The following MARCHF4 variants were observed in gnomAD, a reference collection of about 807,000 sequenced individuals.
The protein encoded by MARCHF4 is membrane associated ring-CH-type finger 4, also known as E3 ubiquitin-protein ligase MARCHF4.
A neutral mutation model predicts 43.9 loss-of-function variants in MARCHF4; 14 were observed. The observed-to-expected ratio is 0.32, with a 90% CI of 0.21 to 0.50. MARCHF4 has a LOEUF of 0.50. MARCHF4 is among the 20% of genes least tolerant of loss of function. The probability of loss-of-function intolerance (pLI) is 0.98; values close to 1 mark genes in which losing one functional copy is unlikely to be tolerated. For synonymous variants in MARCHF4, 226 were observed against 213.3 expected, an observed-to-expected ratio of 1.06 and a Z score of -0.52; for missense variants, 468 against 536.7, an observed-to-expected ratio of 0.87 and a Z score of 1.27.
At chr2:216,361,873 G>A (rs914319395) in intron 1 of MARCHF4, among the ~76,000 whole-genome samples, 2 of 152,200 alleles carry the variant, frequency 1.3e-5, no homozygotes, top group Admixed American at 6.5e-5. Flanking sequence ...ACACTGGTGG[G>A]ATGGGGTAAA....
At chr2:216,306,545 G>A (rs78997423) in intron 1 of MARCHF4, among the ~76,000 whole-genome samples, 10,304 of 152,094 alleles carry the variant, frequency 0.068, 1,155 homozygotes, top group African/African-American at 0.24. Context: ...ATTTAACTGA[G>A]GGTGGTTTTG....
At chr2:216,367,804 A>G (rs1692689196) in intron 1 of MARCHF4, among the ~76,000 whole-genome samples, 1 of 152,192 alleles carries the variant, frequency 6.6e-6, no homozygotes, top group African/African-American at 2.4e-5. Context: ...AATATTGCCA[A>G]TGATTTTTTT....
In MARCHF4 at chr2:216,350,132, G is replaced by A. The variant is rs114167515; in HGVS notation, c.516+19613C>T. Among the ~76,000 whole-genome samples, 434 of 151,588 alleles carry A rather than the reference G, an allele frequency of 2.9e-3. 2 individuals are homozygous for A. The highest frequency in any genetic ancestry group is 0.01 in the African/African-American group (414 of 41,286). On this transcript the variant is annotated intron_variant, in intron 1 of 3. Transcript: ENST00000273067. ...ACCATGCTATGCCACACGATGCCAC[G>A]CCATGCCACACCACCACGACCATGC...
At chr2:216,358,823 T>A (rs1357484791) in intron 1 of MARCHF4, among the ~76,000 whole-genome samples, 1 of 152,188 alleles carries the variant, frequency 6.6e-6, no homozygotes, top group Non-Finnish European at 1.5e-5. Flanking sequence ...GCCAGGCATT[T>A]GTAGGCAAAA....
At chr2:216,329,256 C>T (rs148633497) in intron 1 of MARCHF4, among the ~76,000 whole-genome samples, 1,766 of 152,168 alleles carry the variant, frequency 0.012, 30 homozygotes, top group African/African-American at 0.041. Flanking sequence ...TGGCGGGCAC[C>T]TGTAGTCCCA....
chr2:216,264,692 G>A (rs193021271), intron 3 of MARCHF4, among the ~76,000 whole-genome samples: 1 of 152,312 alleles, frequency 6.6e-6, no homozygotes, highest in Admixed American at 6.5e-5. Context: ...TTCCAGTAAG[G>A]GACATTACAT....
intron 1 of MARCHF4, among the ~76,000 whole-genome samples, chr2:216,285,686 C>G (rs1691208398): frequency 6.6e-6 from 1 of 152,162 alleles, no homozygotes; most frequent in African/African-American, 2.4e-5. Context: ...CCCATCACGG[C>G]CTAAGGGCCC....
chr2:216,320,670 TC>T (rs1559098700), intron 1 of MARCHF4, among the ~76,000 whole-genome samples: 10 of 105,156 alleles, frequency 9.5e-5, no homozygotes, highest in Admixed American at 1.9e-4. Flanking sequence ...TTTCTTTCTT[TC>T]TTTCTTTTTT....
chr2:216,354,891 T>TTTTCTTTCTTCTTTCTTTCTTTC (rs1692458426), intron 1 of MARCHF4, among the ~76,000 whole-genome samples: 1 of 86,718 alleles, frequency 1.2e-5, no homozygotes, highest in Admixed American at 1.3e-4. Flanking sequence ...TTAATAATTG[T>TTTTCTTTCTTCTTTCTTTCTTTC]TTTCTTTCTT....
At chr2:216,338,945 C>T (rs1447250164) in intron 1 of MARCHF4, among the ~76,000 whole-genome samples, 2 of 152,158 alleles carry the variant, frequency 1.3e-5, no homozygotes, top group Non-Finnish European at 2.9e-5. Context: ...GAAACTTTCC[C>T]AAAAGGCACA....
At chr2:216,311,582 C>G (rs921956985) in intron 1 of MARCHF4, among the ~76,000 whole-genome samples, 2 of 152,174 alleles carry the variant, frequency 1.3e-5, no homozygotes, top group Non-Finnish European at 2.9e-5. Context: ...TATTGTTAAA[C>G]ACTTAGGTTT....
At chr2:216,355,932 G>A (rs921403604) in intron 1 of MARCHF4, among the ~76,000 whole-genome samples, 2 of 152,002 alleles carry the variant, frequency 1.3e-5, no homozygotes, top group Admixed American at 6.6e-5. Context: ...CAGAAGGGAC[G>A]CCTCTACACC....
Position 216,369,967 on chromosome 2 carries a change from G to T in MARCHF4, c.294C>A (p.Gly98=), listed in dbSNP as rs770440439. The part of the protein sequence containing the change: ...AGWRGPREVV[G]REPPPVPPPP... ...GAGGTGGCACAGGAGGGGGCTCCCTGCCCACCACTTCTCGGGGGCCCCTCC... is the reference window on the plus strand; with the variant it reads ...GAGGTGGCACAGGAGGGGGCTCCCTTCCCACCACTTCTCGGGGGCCCCTCC... Residue 98 remains glycine, a synonymous_variant, in exon 1 of 4, where the codon GGC becomes GGA. Coordinates refer to ENST00000273067, the MANE Select transcript of MARCHF4 (RefSeq NM_020814.3). 1 of 1,568,778 alleles carries T rather than the reference G, an allele frequency of 6.4e-7. No homozygotes were observed. Among genetic ancestry groups the T allele is most frequent in the Admixed American group, 1.9e-5 (1 of 54,024 alleles).
intron 1 of MARCHF4, among the ~76,000 whole-genome samples, chr2:216,317,552 T>C (rs903137669): frequency 1.3e-5 from 2 of 152,128 alleles, no homozygotes; most frequent in African/African-American, 4.8e-5. Context: ...TAGCTGAGAT[T>C]ACAGGTACAA....
intron 1 of MARCHF4, among the ~76,000 whole-genome samples, chr2:216,361,279 AT>A (rs1416797029): frequency 1.3e-5 from 2 of 152,188 alleles, no homozygotes; most frequent in African/African-American, 4.8e-5. Context: ...ATCATGAAGC[AT>A]AAGAGCAAAC....
At chr2:216,308,020 C>T (rs1417553347) in intron 1 of MARCHF4, among the ~76,000 whole-genome samples, 2 of 152,154 alleles carry the variant, frequency 1.3e-5, no homozygotes, top group Non-Finnish European at 2.9e-5. Flanking sequence ...TGAGCCACTG[C>T]ACTCCAGCCT....
chr2:216,369,937 G>A lies in MARCHF4; in HGVS notation c.324C>T (p.Pro108=), dbSNP rs1692727947. 6.2e-7 allele frequency: 1 copy of A among 1,603,676 alleles called. No homozygotes were observed. Among genetic ancestry groups the A allele is most frequent in the Non-Finnish European group, 8.5e-7 (1 of 1,174,610 alleles). ...CTTCCACAGAAGAAGGTGGCAAGGG[G>A]GGTGGAGGTGGCACAGGAGGGGGCT... is the stretch of plus-strand genomic sequence containing the variant. The part of the protein sequence containing the change: ...GREPPPVPPP[P]PLPPSSVEDD... Residue 108 remains proline (P), a synonymous_variant, in exon 1 of 4, where the codon CCC becomes CCT. Coordinates refer to ENST00000273067, the MANE Select transcript of MARCHF4 (RefSeq NM_020814.3).
intron 1 of MARCHF4, among the ~76,000 whole-genome samples, chr2:216,333,702 C>A (rs1164159151): frequency 6.6e-6 from 1 of 152,158 alleles, no homozygotes; most frequent in Admixed American, 6.6e-5. Flanking sequence ...AGCCCATTTT[C>A]TCTTAAAATC....
At chr2:216,366,826 C>G (rs886779309) in intron 1 of MARCHF4, among the ~76,000 whole-genome samples, 2 of 152,124 alleles carry the variant, frequency 1.3e-5, no homozygotes, top group African/African-American at 4.8e-5. Flanking sequence ...TTATGTGTCT[C>G]TACTAGAATG....
Sources: allele counts gnomAD v4.1 joint callset (sites outside exome capture counted in the v4.1 genomes callset), GRCh38; gene constraint gnomAD v4.1.1; transcripts MANE v1.5; gene names NCBI Gene and HGNC (gene_info 2026-07-23, HGNC 2026-07-21).